CCDC17: variants seen among roughly 807,000 people sequenced by gnomAD.
CCDC17 encodes the protein coiled-coil domain-containing protein 17.
CCDC17 carries 79 observed loss-of-function variants against 68.0 expected under a neutral mutation model. The observed-to-expected ratio is 1.16, with a 90% confidence interval of 0.97 to 1.40. CCDC17 has a LOEUF of 1.40. CCDC17 is among the 40% of genes most tolerant of loss of function. The pLI is 0.00. For synonymous variants in CCDC17, 376 were observed against 337.5 expected, an observed-to-expected ratio of 1.11 and a Z score of -1.25; for missense variants, 846 against 811.5, an observed-to-expected ratio of 1.04 and a Z score of -0.52.
Position 45,623,238 on chromosome 1 carries a change from C to G in CCDC17, c.472G>C (p.Ala158Pro), listed in dbSNP as rs1022146989. 14 of 1,544,808 alleles carry G rather than the reference C, an allele frequency of 9.1e-6. No homozygotes were observed. The highest frequency in any genetic ancestry group is 7.9e-5 in the Admixed American group (4 of 50,894). Residue 158 changes from alanine (A) to proline (P), a missense_variant, in exon 3 of 13, where the codon GCC (alanine) becomes CCC (proline). By Grantham distance (27) the Ala-to-Pro change is conservative. Transcript: ENST00000528266. ...TCACCCTCGCCGCGTAGCTGCAGGG[C>G]CCGGCTCTGCGCTTCCATCTCCGCC... is the stretch of plus-strand genomic sequence containing the variant. ...RVAEMEAQSR[A>P]LQLRGEELSR... is the part of the protein sequence containing the mutation.
At chr1:45,621,555 A>G in intron 9 of CCDC17, 71 bp from the exon 10 acceptor site, 2 of 1,582,068 alleles carry the variant, frequency 1.3e-6, no homozygotes, top group Non-Finnish European at 1.7e-6. Flanking sequence ...GCAGGTCCCT[A>G]ACCCTATCTG....
chr1:45,623,661 A>G lies in CCDC17; in HGVS notation c.175-9T>C, dbSNP rs1457454439. The G allele has an allele frequency of 1.9e-6, 3 of 1,551,536 alleles. No individual in the cohort carries two copies. The highest frequency in any genetic ancestry group is 2.6e-6 in the Non-Finnish European group (3 of 1,146,910). ...TGTTCTTGTGGCACAACCTGGGGAT[A>G]GGGTGTAGTAGGATGAGGAATCATA... On this transcript the variant is annotated splice_polypyrimidine_tract_variant and intron_variant, in intron 1 of 12. Coordinates refer to ENST00000528266, the MANE Select transcript of CCDC17 (RefSeq NM_001114938.3).
Position 45,620,154 on chromosome 1 carries a change from G to T in CCDC17, c.*121C>A. Reference sequence around the variant, plus strand: ...AAGCTGTGGTTGGAACTGGTTTTCTGTACTCAACTGCTAGATGCTTCTAGA... The same window carrying T: ...AAGCTGTGGTTGGAACTGGTTTTCTTTACTCAACTGCTAGATGCTTCTAGA... On this transcript the variant is annotated 3_prime_UTR_variant, in exon 13 of 13. Transcript: ENST00000528266. The T allele has an allele frequency of 8.7e-7, 1 of 1,149,640 alleles. No individual in the cohort carries two copies. Among genetic ancestry groups the T allele is most frequent in the Non-Finnish European group, 1.2e-6 (1 of 836,394 alleles). The allele number at this position is 1,149,640 out of a possible 1,614,324, so 71.2% of individuals were successfully genotyped here.
At chr1:45,623,190 T>C (rs780788870) in intron 3 of CCDC17, 27 bp downstream of exon 3, 640 of 1,540,994 alleles carry the variant, frequency 4.2e-4, no homozygotes, top group South Asian at 1.0e-3. Context: ...GAGGAGGTCC[T>C]TGGTCCCCGT....
At position 45,623,210 on chromosome 1, in the gene CCDC17, C is replaced by T; in HGVS notation, c.493+7G>A. On this transcript the variant is annotated splice_region_variant and intron_variant, in intron 3 of 12. Coordinates refer to ENST00000528266, the MANE Select transcript of CCDC17 (RefSeq NM_001114938.3). The stretch of plus-strand genomic sequence containing the variant: ...GGTCCTTGGTCCCCGTCCCCCATCT[C>T]CTTCACCCTCGCCGCGTAGCTGCAG... 6.5e-7 allele frequency: 1 copy of T among 1,543,668 alleles called. No individual in the cohort carries two copies. The highest frequency in any genetic ancestry group is 8.7e-7 in the Non-Finnish European group (1 of 1,144,742).
rs148450617 is a variant in CCDC17 at position 45,620,389 on chromosome 1, T to G, written c.1755A>C (p.Ala585=). 7.6e-5 allele frequency: 122 copies of G among 1,600,936 alleles called. 1 individual carries two copies. Among genetic ancestry groups the G allele is most frequent in the South Asian group, 3.4e-5 (3 of 88,394 alleles). The change falls in exon 13 of 13, where the codon GCA becomes GCC. Residue 585 remains alanine (A), a synonymous_variant. Coordinates refer to ENST00000528266, the MANE Select transcript of CCDC17 (RefSeq NM_001114938.3). ...GAGGTGGGGGATCAGCAAAGCCAACTGCGGGGGTGAGGAAGCTGGCTTCCA... is the reference window on the plus strand; with the variant it reads ...GAGGTGGGGGATCAGCAAAGCCAACGGCGGGGGTGAGGAAGCTGGCTTCCA... The part of the protein sequence containing the change: ...SSLEASFLTP[A]VGFADPPPRT...
Position 45,620,958 on chromosome 1 carries a change from C to G in CCDC17, c.1544G>C (p.Arg515Pro). Reference protein sequence around the residue: ...VLSGRWRLPLRALPLDPSLSL... With the variant: ...VLSGRWRLPLPALPLDPSLSL... Reference sequence around the variant, plus strand: ...AAGGCTGGGGTCCAGAGGAAGGGCCCGAAGTGGGAGGCGCCAGCGGCCACT... The same window carrying G: ...AAGGCTGGGGTCCAGAGGAAGGGCCGGAAGTGGGAGGCGCCAGCGGCCACT... Residue 515 changes from arginine (R) to proline (P), a missense_variant, in exon 11 of 13, where the codon CGG becomes CCG. Coordinates refer to ENST00000528266, the MANE Select transcript of CCDC17 (RefSeq NM_001114938.3). 1 of 1,613,792 alleles carries G rather than the reference C, an allele frequency of 6.2e-7. No individual in the cohort carries two copies. The highest frequency in any genetic ancestry group is 8.5e-7 in the Non-Finnish European group (1 of 1,179,806).
At chr1:45,622,165 C>A in intron 7 of CCDC17, 76 bp downstream of exon 7, 1 of 1,402,508 alleles carries the variant, frequency 7.1e-7, no homozygotes, top group Non-Finnish European at 9.9e-7. Context: ...GTCTTGTTCC[C>A]CATGCACTGT....
In CCDC17 at chr1:45,623,109, G is replaced by T. The variant is rs1644333742; in HGVS notation, c.502C>A (p.Arg168=). The change falls in exon 4 of 13, where the codon CGA becomes AGA. Residue 168 remains arginine (R), a synonymous_variant. Coordinates refer to ENST00000528266, the MANE Select transcript of CCDC17 (RefSeq NM_001114938.3). ...ALQLRGEELS[R]RLQVVACTRG... is the part of the protein sequence containing the mutation. The stretch of plus-strand genomic sequence containing the variant: ...GTACAGGCCACAACTTGGAGGCGTC[G>T]GCTCAGTTCTGAGGGAATGCGGGCC... 1 of 1,566,642 alleles carries T rather than the reference G, an allele frequency of 6.4e-7. No homozygotes were observed. Among genetic ancestry groups the T allele is most frequent in the Non-Finnish European group, 8.7e-7 (1 of 1,155,926 alleles).
At position 45,623,950 on chromosome 1, in the gene CCDC17, A is replaced by G; in HGVS notation, c.-41T>C. On this transcript the variant is annotated 5_prime_UTR_variant, in exon 1 of 13. Transcript: ENST00000528266. ...TCCTGAAACCAGCCAAGACCTGCAG[A>G]AGGGATCAAGGGCAGGGGAAAGGCA... 1 of 1,357,162 alleles carries G rather than the reference A, an allele frequency of 7.4e-7. No individual in the cohort carries two copies. The highest frequency in any genetic ancestry group is 9.9e-7 in the Non-Finnish European group (1 of 1,008,796). 84.1% of individuals were successfully genotyped at this position (1,357,162 alleles called of 1,614,324 possible). A position where few individuals can be genotyped will look rare whatever the true frequency, so the allele number is the denominator to read the frequency against.
Position 45,622,686 on chromosome 1 carries a change from G to A in CCDC17, c.741-19C>T. 1 of 1,555,330 alleles carries A rather than the reference G, an allele frequency of 6.4e-7. No individual in the cohort carries two copies. Among genetic ancestry groups the A allele is most frequent in the South Asian group, 1.2e-5 (1 of 84,314 alleles). ...CAGCGCCCTAGGGAGTGGGGAACAG[G>A]AAGGCCGTCTTTCCAGAACTGCTCA... is the stretch of plus-strand genomic sequence containing the variant. On this transcript the variant is annotated intron_variant, in intron 5 of 12. Transcript: ENST00000528266.
At chr1:45,622,457 A>G in intron 6 of CCDC17, 92 bp downstream of exon 6, 4 of 1,468,118 alleles carry the variant, frequency 2.7e-6, no homozygotes, top group Non-Finnish European at 3.7e-6. Flanking sequence ...TGGACTTGTC[A>G]GCTCACATGC....
rs370674073 is a variant in CCDC17, at chr1:45,623,636, T to C, written c.191A>G (p.His64Arg). The change falls in exon 2 of 13, where the codon CAC becomes CGC. Residue 64 changes from histidine (H) to arginine (R), a missense_variant. Transcript: ENST00000528266. ...PQRAAVVPQE[H>R]QGVPQEPQGL... ...CTGGGGTTCTTGTGGCACGCCCTGGTGTTCTTGTGGCACAACCTGGGGATA... is the reference window on the plus strand; with the variant it reads ...CTGGGGTTCTTGTGGCACGCCCTGGCGTTCTTGTGGCACAACCTGGGGATA... The C allele has an allele frequency of 1.3e-6, 2 of 1,551,114 alleles. No individual in the cohort carries two copies. The highest frequency in any genetic ancestry group is 2.4e-5 in the East Asian group (1 of 40,928).
intron 7 of CCDC17, 22 bp downstream of exon 7, chr1:45,622,219 T>C (rs1644290821): frequency 6.3e-7 from 1 of 1,598,686 alleles, no homozygotes; most frequent in African/African-American, 1.3e-5. Flanking sequence ...TGGGATGGGA[T>C]AGGGTTGGGG....
At chr1:45,622,728 C>CCAT in intron 5 of CCDC17, 23 bp downstream of exon 5, 1 of 1,569,542 alleles carries the variant, frequency 6.4e-7, no homozygotes, top group East Asian at 2.4e-5. Context: ...CGCCCTATGC[C>CCAT]CATCTCCGGC....
rs1644248868 is a variant in CCDC17 at position 45,621,361 on chromosome 1, T to C, written c.1308A>G (p.Pro436=). Residue 436 remains proline, a synonymous_variant, in exon 10 of 13, where the codon CCA becomes CCG. Transcript: ENST00000528266. ...CAGGAGGTGGGGGCAGGCAAAGGGC[T>C]GGGGGCAACGCTGTGGTCCTTCCTG... ...RDTGRTTALP[P]ALCLPPPPAP... 1 of 1,590,722 alleles carries C rather than the reference T, an allele frequency of 6.3e-7. No homozygotes were observed. Among genetic ancestry groups the C allele is most frequent in the Non-Finnish European group, 8.6e-7 (1 of 1,168,772 alleles).
Position 45,622,330 on chromosome 1 carries a change from G to A in CCDC17, c.878C>T (p.Ser293Leu), listed in dbSNP as rs139154258. The change falls in exon 7 of 13, where the codon TCA becomes TTA. Residue 293 changes from serine to leucine, a missense_variant. Ser to Leu is a moderately radical substitution (Grantham distance 145). Coordinates refer to ENST00000528266, the MANE Select transcript of CCDC17 (RefSeq NM_001114938.3). ...AGCCTCCACTACTGGAAGCTCCCCT[G>A]AGGTGGCACCTGCCCTTCCTGCGAT... ...QTRRGRAGAT[S>L]GELPVVEAEN... 65 of 1,608,060 alleles carry A rather than the reference G, an allele frequency of 4.0e-5. No homozygotes were observed. In the African/African-American group the frequency reaches 6.7e-4, roughly 17 times the overall value.
rs1460710573 is a variant in CCDC17 at position 45,623,555 on chromosome 1, A to G, written c.270+2T>C. 1.9e-6 allele frequency: 3 copies of G among 1,548,612 alleles called. No individual in the cohort carries two copies. The highest frequency in any genetic ancestry group is 2.7e-5 in the African/African-American group (2 of 73,012). ...GCCCTGGGGGAAGGTAGGTAGCTCT[A>G]CCTCCTCTGTTAACCTCTTTAGAGC... is the stretch of plus-strand genomic sequence containing the variant. On this transcript the variant is annotated splice_donor_variant, in intron 2 of 12. Transcript: ENST00000528266. LOFTEE classifies it high-confidence loss of function.
chr1:45,620,993 C>T lies in CCDC17; in HGVS notation c.1509G>A (p.Gln503=), dbSNP rs1557675064. 1 of 1,613,882 alleles carries T rather than the reference C, an allele frequency of 6.2e-7. No homozygotes were observed. Among genetic ancestry groups the T allele is most frequent in the Admixed American group, 1.7e-5 (1 of 59,994 alleles). ...WVSLGLFDQD[Q]RVLSGRWRLP... is the part of the protein sequence containing the mutation. The stretch of plus-strand genomic sequence containing the variant: ...GGCGCCAGCGGCCACTTAGCACCCG[C>T]TGATCTTGGTCAAATAGTCCAAGTG... The change falls in exon 11 of 13, where the codon CAG becomes CAA. Residue 503 remains glutamine, a synonymous_variant. Transcript: ENST00000528266.
Sources: allele counts gnomAD v4.1 joint callset, GRCh38; gene constraint gnomAD v4.1.1; transcripts MANE v1.5; gene names NCBI Gene and HGNC (gene_info 2026-07-23, HGNC 2026-07-21).